ETFDH: variants seen among roughly 807,000 people sequenced by gnomAD.
The protein encoded by ETFDH is electron transfer flavoprotein dehydrogenase, also known as electron transfer flavoprotein-ubiquinone oxidoreductase, mitochondrial.
A neutral mutation model predicts 73.2 loss-of-function variants in ETFDH; 61 were observed. The observed-to-expected ratio is 0.83, with a 90% CI of 0.68 to 1.03. ETFDH has a LOEUF of 1.03. ETFDH is among the 50% of genes least tolerant of loss of function. The pLI, the probability that ETFDH is intolerant of heterozygous loss-of-function variation, is 0.00. For synonymous variants in ETFDH, 243 were observed against 253.3 expected (o/e 0.96, Z 0.39); for missense variants, 685 against 745.0 (o/e 0.92, Z 0.94).
At chr4:158,702,938 CAAT>C (rs1175252399) in intron 9 of ETFDH, among the ~76,000 whole-genome samples, 1 of 152,112 alleles carries the variant, frequency 6.6e-6, no homozygotes, top group Non-Finnish European at 1.5e-5. Context: ...TTCCCACCAA[CAAT>C]GTGTGAGTTT....
Position 158,684,071 on chromosome 4 carries a change from G to A in ETFDH, c.406-521G>A, listed in dbSNP as rs556192590. On this transcript the variant is annotated intron_variant, in intron 3 of 12. Transcript: ENST00000511912. The stretch of plus-strand genomic sequence containing the variant: ...AAGACTCCCAAGAAATATATTCCTG[G>A]GATGCAAAACTGGCAAGAGGTTTAT... Among the ~76,000 whole-genome samples the A allele has an allele frequency of 5.9e-5, 9 of 152,206 alleles. No individual in the cohort carries two copies. In the South Asian group the frequency reaches 1.7e-3, roughly 28 times the overall value.
At chr4:158,700,572 G>GCACACA (rs70962624) in intron 9 of ETFDH, 23 of 145,716 alleles carry the variant, frequency 1.6e-4, no homozygotes, top group African/African-American at 5.2e-4. Context: ...ACACACACAC[G>GCACACA]CACACACACA....
In ETFDH at chr4:158,680,510, A is replaced by C; in HGVS notation, c.78A>C (p.Leu26=). Residue 26 remains leucine (L), a synonymous_variant, in exon 2 of 13, where the codon CTA becomes CTC. Coordinates refer to ENST00000511912, the MANE Select transcript of ETFDH (RefSeq NM_004453.4). ...CCTTAAAAATTAAGAAAAATTATCT[A>C]CCTCTATGTGCTACAAGATGGTCTT... The part of the protein sequence containing the change: ...FHALKIKKNY[L]PLCATRWSST... 6.2e-7 allele frequency: 1 copy of C among 1,603,254 alleles called. No homozygotes were observed. The highest frequency in any genetic ancestry group is 8.5e-7 in the Non-Finnish European group (1 of 1,170,180).
chr4:158,682,400 C>T lies in ETFDH; in HGVS notation c.381C>T (p.Leu127=), dbSNP rs149278633. The T allele has an allele frequency of 5.7e-4, 927 of 1,613,988 alleles. 3 individuals carry two copies. In the African/African-American group the frequency reaches 0.011, roughly 20 times the overall value. Residue 127 remains leucine, a synonymous_variant, in exon 3 of 13, where the codon CTC becomes CTT. Coordinates refer to ENST00000511912, the MANE Select transcript of ETFDH (RefSeq NM_004453.4). ...ACLDPGAFKE[L]FPDWKEKGAP... is the part of the protein sequence containing the mutation. ...TTGATCCAGGTGCTTTTAAAGAACT[C>T]TTCCCAGACTGGAAAGAGAAGGGGG...
rs1561253213 is a variant in ETFDH at position 158,709,024 on chromosome 4, TG to T, written c.*498del. ...ATGCCCATCCCTGAACAAGTTTGTG[TG>T]TGTGTGTGTGTGTGTGTGTGTGTGT... On this transcript the variant is annotated 3_prime_UTR_variant, in exon 13 of 13. Transcript: ENST00000511912. 6.5e-3 allele frequency: 259 copies of T among 39,908 alleles called. No individual in the cohort carries two copies. The highest frequency in any genetic ancestry group is 8.6e-3 in the African/African-American group (251 of 29,198). The allele number at this position is 39,908 out of a possible 1,614,324, so 2.5% of individuals were successfully genotyped here.
chr4:158,703,485 T>G lies in ETFDH; in HGVS notation c.1179T>G (p.Asn393Lys). The G allele has an allele frequency of 6.2e-7, 1 of 1,611,414 alleles. No individual in the cohort carries two copies. The highest frequency in any genetic ancestry group is 1.7e-5 in the Admixed American group (1 of 60,018). ...TTGGTTGTAGTCCTGGTTTTATGAA[T>G]GTTCCCAAGATCAAAGGTACTCACA... ...LLIGCSPGFMNVPKIKGTHTA... is the reference protein window; with the variant it reads ...LLIGCSPGFMKVPKIKGTHTA... The change falls in exon 10 of 13, where the codon AAT becomes AAG. Residue 393 changes from asparagine to lysine, a missense_variant. Asn to Lys is a moderately conservative substitution (Grantham distance 94). Coordinates refer to ENST00000511912, the MANE Select transcript of ETFDH (RefSeq NM_004453.4).
chr4:158,692,884 AAAAAAC>A (rs1179405943), intron 6 of ETFDH, among the ~76,000 whole-genome samples: 102 of 92,708 alleles, frequency 1.1e-3, no homozygotes, highest in African/African-American at 3.1e-3. Context: ...ATTAAAAAAA[AAAAAAC>A]ATATATATAT....
At chr4:158,678,588 A>G (rs1773768783) in intron 1 of ETFDH, among the ~76,000 whole-genome samples, 2 of 152,080 alleles carry the variant, frequency 1.3e-5, no homozygotes, top group South Asian at 4.1e-4. Flanking sequence ...GAAGCTACTC[A>G]ATAAGTTCAT....
At chr4:158,694,542 C>T (rs140577731) in intron 6 of ETFDH, among the ~76,000 whole-genome samples, 2,142 of 150,060 alleles carry the variant, frequency 0.014, 33 homozygotes, top group African/African-American at 0.044. Flanking sequence ...TGCAGTGAGC[C>T]GAGATTGTGC....
In ETFDH at chr4:158,703,412, T is replaced by C. The variant is rs917132143; in HGVS notation, c.1117-11T>C. Reference sequence around the variant, plus strand: ...AACTAACAAATGTATTCTGAATCTTTGTTTCCTCAGTCTATACCAAAACTC... The same window carrying C: ...AACTAACAAATGTATTCTGAATCTTCGTTTCCTCAGTCTATACCAAAACTC... On this transcript the variant is annotated splice_polypyrimidine_tract_variant and intron_variant, in intron 9 of 12. Transcript: ENST00000511912. The C allele has an allele frequency of 1.3e-6, 2 of 1,593,662 alleles. No individual in the cohort carries two copies. Among genetic ancestry groups the C allele is most frequent in the Admixed American group, 3.3e-5 (2 of 59,992 alleles).
intron 6 of ETFDH, among the ~76,000 whole-genome samples, chr4:158,694,165 G>A (rs945391548): frequency 5.3e-5 from 8 of 152,104 alleles, no homozygotes; most frequent in East Asian, 3.9e-4. Context: ...GAAAAGGAAC[G>A]TATATTTTTT....
chr4:158,704,929 A>T (rs545871713), intron 10 of ETFDH, among the ~76,000 whole-genome samples: 2 of 152,140 alleles, frequency 1.3e-5, no homozygotes, highest in African/African-American at 2.4e-5. Flanking sequence ...GTTTTTTTCT[A>T]ATTTTCTTGT....
intron 9 of ETFDH, among the ~76,000 whole-genome samples, 189 bp downstream of exon 9, chr4:158,699,319 G>C (rs1774398268): frequency 6.6e-6 from 1 of 152,108 alleles, no homozygotes; most frequent in African/African-American, 2.4e-5. Flanking sequence ...ATTAGGCTGG[G>C]CACAGTGGCT....
At chr4:158,697,522 A>C (rs772899000) in intron 7 of ETFDH, 37 bp from the exon 8 acceptor site, 24 of 1,574,080 alleles carry the variant, frequency 1.5e-5, no homozygotes, top group Non-Finnish European at 2.0e-5. Flanking sequence ...TTTTTAAAAT[A>C]CTGCAGGACT....
intron 6 of ETFDH, 22 bp downstream of exon 6, chr4:158,690,447 G>T (rs375702310): frequency 7.6e-7 from 1 of 1,321,390 alleles, no homozygotes; most frequent in Non-Finnish European, 1.1e-6. Context: ...TAATAGTTAC[G>T]TGCTTAATAA....
chr4:158,706,931 G>C, intron 12 of ETFDH, 81 bp downstream of exon 12: 1 of 916,292 alleles, frequency 1.1e-6, no homozygotes, highest in Non-Finnish European at 1.8e-6. Flanking sequence ...AATGATTTCT[G>C]TATCTCCTTC....
At chr4:158,696,373 G>T (rs546366941) in intron 7 of ETFDH, among the ~76,000 whole-genome samples, 1 of 151,998 alleles carries the variant, frequency 6.6e-6, no homozygotes, top group Non-Finnish European at 1.5e-5. Flanking sequence ...AGGTGTGGTG[G>T]TGCACACCTG....
chr4:158,690,429 A>G lies in ETFDH; in HGVS notation c.684+4A>G. ...ACAAAAGGATGGTGCACCAAAGGTA[A>G]ACCTTTTTAATAGTTACGTGCTTAA... On this transcript the variant is annotated splice_donor_region_variant and intron_variant, in intron 6 of 12. Coordinates refer to ENST00000511912, the MANE Select transcript of ETFDH (RefSeq NM_004453.4). The G allele has an allele frequency of 6.6e-7, 1 of 1,513,786 alleles. No homozygotes were observed. The allele number at this position is 1,513,786 out of a possible 1,614,324, so 93.8% of individuals were successfully genotyped here.
Position 158,695,552 on chromosome 4 carries a change from G to A in ETFDH, c.740G>A (p.Gly247Asp), listed in dbSNP as rs1384574225. ...GCTAAAGTCACAATTTTTGCAGAAG[G>A]TTGCCATGGACATCTAGCCAAGCAA... is the stretch of plus-strand genomic sequence containing the variant. ...LHAKVTIFAE[G>D]CHGHLAKQLY... The change falls in exon 7 of 13, where the codon GGT becomes GAT. Residue 247 changes from glycine (G) to aspartate (D), a missense_variant. Transcript: ENST00000511912. 1 of 1,612,946 alleles carries A rather than the reference G, an allele frequency of 6.2e-7. No individual in the cohort carries two copies. The highest frequency in any genetic ancestry group is 8.5e-7 in the Non-Finnish European group (1 of 1,179,106).
Sources: gnomAD v4.1 joint callset for allele counts (sites outside exome capture counted in the v4.1 genomes callset) on GRCh38, gnomAD v4.1.1 for gene constraint, MANE v1.5 for transcripts, NCBI Gene and HGNC (gene_info 2026-07-23, HGNC 2026-07-21) for gene names.